The following JAKMIP3 variants were observed in gnomAD, a reference collection of about 807,000 sequenced individuals.
The protein encoded by JAKMIP3 is janus kinase and microtubule-interacting protein 3.
Under a neutral mutation model 118.5 loss-of-function variants are expected in JAKMIP3, and 58 were observed. That is an observed-to-expected ratio of 0.49 (90% CI 0.40 to 0.61). JAKMIP3 has a LOEUF of 0.61. Among genes scored for constraint, JAKMIP3 ranks in the 20% least tolerant of loss-of-function variants. The pLI is 0.00. For missense variants in JAKMIP3, 950 were observed against 1,109.0 expected (o/e 0.86, Z 2.04); for synonymous variants, 486 against 451.2 (o/e 1.08, Z -0.98).
intron 1 of JAKMIP3, among the ~76,000 whole-genome samples, chr10:132,074,271 C>T (rs1488113656): frequency 1.3e-5 from 2 of 151,956 alleles, no homozygotes; most frequent in African/African-American, 2.4e-5. Flanking sequence ...AGGCTGGTCT[C>T]GAACTCCTGG....
intron 1 of JAKMIP3, among the ~76,000 whole-genome samples, chr10:132,051,958 G>A (rs1272296609): frequency 1.3e-5 from 2 of 152,186 alleles, no homozygotes; most frequent in Non-Finnish European, 2.9e-5. Flanking sequence ...AGCCAGGTGT[G>A]GTGGCTCACA....
chr10:132,122,078 A>G (rs2048630933), intron 3 of JAKMIP3, among the ~76,000 whole-genome samples: 3 of 152,330 alleles, frequency 2.0e-5, no homozygotes, highest in Admixed American at 6.5e-5. Flanking sequence ...TAGGTGTTCA[A>G]TAAATTTTTG....
At chr10:132,177,024 G>A (rs1410948876) in intron 23 of JAKMIP3, among the ~76,000 whole-genome samples, 2 of 152,068 alleles carry the variant, frequency 1.3e-5, no homozygotes, top group Non-Finnish European at 2.9e-5. Flanking sequence ...ATGTTACTGG[G>A]TGATTTGCAC....
chr10:132,122,732 G>A (rs2048774547), intron 3 of JAKMIP3, among the ~76,000 whole-genome samples: 1 of 152,186 alleles, frequency 6.6e-6, no homozygotes, highest in African/African-American at 2.4e-5. Flanking sequence ...CACGGTCGCT[G>A]CTGCCAGGGC....
intron 2 of JAKMIP3, among the ~76,000 whole-genome samples, chr10:132,109,833 C>T (rs1396770583): frequency 1.3e-5 from 2 of 152,220 alleles, no homozygotes; most frequent in Non-Finnish European, 2.9e-5. Flanking sequence ...TTGGCCTCTA[C>T]CACAAAATGT....
chr10:132,180,602 CGCGTGTGTGTGT>C lies in JAKMIP3; in HGVS notation c.*1104-1743_*1104-1732del, dbSNP rs1454251777. Among the ~76,000 whole-genome samples the C allele has an allele frequency of 8.3e-4, 10 of 12,066 alleles. 3 individuals carry two copies. The highest frequency in any genetic ancestry group is 1.3e-3 in the Non-Finnish European group (8 of 6,276). 7.9% of individuals were successfully genotyped at this position (12,066 alleles called of 152,430 possible). On this transcript the variant is annotated intron_variant, in intron 23 of 23. Coordinates refer to ENST00000684848, the MANE Select transcript of JAKMIP3 (RefSeq NM_001323087.2). The stretch of plus-strand genomic sequence containing the variant: ...GTGCGTGCGCGTGTGTGTGTGCGTG[CGCGTGTGTGTGT>C]GCGTGTGTGTGCGTGTGTGCGTGCG...
chr10:132,172,116 C>T (rs1358605098), intron 23 of JAKMIP3, among the ~76,000 whole-genome samples: 1 of 152,166 alleles, frequency 6.6e-6, no homozygotes, highest in Non-Finnish European at 1.5e-5. Context: ...ATCAGTGACA[C>T]TTTTTTAGTT....
intron 2 of JAKMIP3, among the ~76,000 whole-genome samples, chr10:132,113,485 G>A (rs140378755): frequency 6.6e-6 from 1 of 152,360 alleles, no homozygotes; most frequent in African/African-American, 2.4e-5. Context: ...CCACCTGGCT[G>A]TCCCAGCCTG....
intron 1 of JAKMIP3, among the ~76,000 whole-genome samples, chr10:132,045,754 C>A (rs2037890437): frequency 1.3e-5 from 2 of 151,886 alleles, no homozygotes; most frequent in African/African-American, 4.8e-5. Flanking sequence ...TATAGTAAGA[C>A]CCCATCTTTA....
intron 11 of JAKMIP3, among the ~76,000 whole-genome samples, chr10:132,142,604 C>T (rs2053755467): frequency 6.6e-6 from 1 of 152,190 alleles, no homozygotes; most frequent in Non-Finnish European, 1.5e-5. Context: ...CTCAGTGTGG[C>T]TGGCGGGTGC....
chr10:132,176,521 GCCCAT>G (rs2060151144), intron 23 of JAKMIP3, among the ~76,000 whole-genome samples: 1 of 152,098 alleles, frequency 6.6e-6, no homozygotes, highest in South Asian at 2.1e-4. Context: ...TGACTTCGTG[GCCCAT>G]CCCATCCCCT....
chr10:132,167,829 CCCCTCGG>C, intron 22 of JAKMIP3, 117 bp from the exon 23 acceptor site: 1 of 502,304 alleles, frequency 2.0e-6, no homozygotes, highest in Admixed American at 2.9e-5. Flanking sequence ...TCGGCCCTCA[CCCCTCGG>C]CCCTCGCCCC....
chr10:132,085,087 A>G (rs910010691), intron 1 of JAKMIP3, among the ~76,000 whole-genome samples: 1 of 152,086 alleles, frequency 6.6e-6, no homozygotes, highest in African/African-American at 2.4e-5. Context: ...CTGGCTTCAT[A>G]GAATGATTTA....
In JAKMIP3 at chr10:132,071,674, C is replaced by T. The variant is rs946829416; in HGVS notation, c.-138+5613C>T. Among the ~76,000 whole-genome samples the T allele has an allele frequency of 5.3e-5, 8 of 152,116 alleles. No individual in the cohort carries two copies. The East Asian group carries it at 1.5e-3, about 29-fold the overall frequency. Reference sequence around the variant, plus strand: ...GGCATGTCTTCTCAATGTATTGACTCCTGTATCATTATGTATAGCTCTTGT... The same window carrying T: ...GGCATGTCTTCTCAATGTATTGACTTCTGTATCATTATGTATAGCTCTTGT... On this transcript the variant is annotated intron_variant, in intron 1 of 23. Coordinates refer to ENST00000684848, the MANE Select transcript of JAKMIP3 (RefSeq NM_001323087.2).
chr10:132,100,844 C>A (rs568059616), intron 1 of JAKMIP3, among the ~76,000 whole-genome samples: 1 of 152,170 alleles, frequency 6.6e-6, no homozygotes, highest in South Asian at 2.1e-4. Context: ...CTGCCGCGCT[C>A]CCCGTTCTCT....
chr10:132,095,232 C>A (rs1317491251), intron 1 of JAKMIP3, among the ~76,000 whole-genome samples: 1 of 152,226 alleles, frequency 6.6e-6, no homozygotes, highest in East Asian at 1.9e-4. Context: ...CCCCCAAGTT[C>A]TGGCCAGGAG....
rs77526751 is a variant in JAKMIP3, at chr10:132,095,336, G to T, written c.-137-9336G>T. ...AGTGCCTCTGGCTGCCCTTCCAAAG[G>T]ACCCCTCTGAGGTAAGGCAGAGATG... On this transcript the variant is annotated intron_variant, in intron 1 of 23. Transcript: ENST00000684848. Among the ~76,000 whole-genome samples, 1,228 of 152,302 alleles carry T rather than the reference G, an allele frequency of 8.1e-3. 15 individuals carry two copies. Among genetic ancestry groups the T allele is most frequent in the African/African-American group, 0.028 (1,166 of 41,564 alleles).
rs1310633851 is a variant in JAKMIP3, at chr10:132,180,698, TGTGTGTGTGC to T, written c.*1104-1657_*1104-1648del. 5.2e-4 allele frequency among the ~76,000 whole-genome samples: 8 copies of T among 15,412 alleles called. 3 individuals carry two copies. Among genetic ancestry groups the T allele is most frequent in the East Asian group, 4.6e-3 (1 of 216 alleles). The allele number at this position is 15,412 out of a possible 152,430, so 10.1% of individuals were successfully genotyped here. The stretch of plus-strand genomic sequence containing the variant: ...GTGCGCGCGCGTGTGTGTGCGTGCG[TGTGTGTGTGC>T]GCGTGTGTGTGCGTGTGTGTGCGTG... On this transcript the variant is annotated intron_variant, in intron 23 of 23. Coordinates refer to ENST00000684848, the MANE Select transcript of JAKMIP3 (RefSeq NM_001323087.2).
chr10:132,147,833 A>G, intron 13 of JAKMIP3, 119 bp from the exon 14 acceptor site: 1 of 672,158 alleles, frequency 1.5e-6, no homozygotes, highest in Non-Finnish European at 2.6e-6. Context: ...AGGGCTGGGT[A>G]CCAGGCCAGC....
Sources: gnomAD v4.1 joint callset for allele counts (sites outside exome capture counted in the v4.1 genomes callset) on GRCh38, gnomAD v4.1.1 for gene constraint, MANE v1.5 for transcripts, NCBI Gene and HGNC (gene_info 2026-07-23, HGNC 2026-07-21) for gene names.